The following PCDH15 variants were observed in gnomAD, a reference collection of about 807,000 sequenced individuals.
The protein encoded by PCDH15 is protocadherin-15.
In PCDH15, 129 loss-of-function variants were observed where a neutral mutation model predicts 178.5. The ratio of observed to expected loss-of-function variants is 0.72; its 90% CI spans 0.63 to 0.84. The LOEUF (loss-of-function observed/expected upper bound fraction) is 0.84, where lower values mean the gene tolerates loss of function less well. PCDH15 is among the 40% of genes least tolerant of loss of function. The pLI, the probability that PCDH15 is intolerant of heterozygous loss-of-function variation, is 0.00. For synonymous variants in PCDH15, 800 were observed against 732.0 expected, an observed-to-expected ratio of 1.09 and a Z score of -1.50; for missense variants, 2,230 against 2,099.9, an observed-to-expected ratio of 1.06 and a Z score of -1.21.
chr10:53,857,210 A>G lies in PCDH15; in HGVS notation c.3771T>C (p.Pro1257=), dbSNP rs2078808918. The stretch of plus-strand genomic sequence containing the variant: ...CTTCTATCTTTTTTTCCACTAGAGT[A>G]GGAGGCACATTGGAAACAATGACTT... ...DMQVIVSNVP[P]TLVEKKIEDL... is the part of the protein sequence containing the mutation. Residue 1257 remains proline, a synonymous_variant, in exon 28 of 38, where the codon CCT becomes CCC. Transcript: ENST00000644397. 1 of 1,611,116 alleles carries G rather than the reference A, an allele frequency of 6.2e-7. No individual in the cohort carries two copies. Among genetic ancestry groups the G allele is most frequent in the South Asian group, 1.1e-5 (1 of 90,994 alleles).
At chr10:54,738,949 T>A (rs950429081) in intron 1 of PCDH15, among the ~76,000 whole-genome samples, 17 of 151,956 alleles carry the variant, frequency 1.1e-4, no homozygotes, top group African/African-American at 3.6e-4. Flanking sequence ...AACCCACAGC[T>A]AACATAATAC....
intron 13 of PCDH15, among the ~76,000 whole-genome samples, chr10:54,159,838 C>T (rs12267014): frequency 0.017 from 2,656 of 152,136 alleles, 87 homozygotes; most frequent in African/African-American, 0.061. Flanking sequence ...AGAGGACAGA[C>T]TCGATTTCAG....
intron 2 of PCDH15, among the ~76,000 whole-genome samples, chr10:54,588,542 T>C (rs1237315483): frequency 6.6e-6 from 1 of 152,140 alleles, no homozygotes; most frequent in Non-Finnish European, 1.5e-5. Context: ...TATAGTTATG[T>C]CTGTAAGAAT....
chr10:54,608,849 T>C (rs2092861105), intron 2 of PCDH15, among the ~76,000 whole-genome samples: 1 of 151,868 alleles, frequency 6.6e-6, no homozygotes, highest in Non-Finnish European at 1.5e-5. Flanking sequence ...GAAAAAAAAA[T>C]CAGTCCCTAG....
At chr10:53,962,565 C>T (rs1354777500) in intron 21 of PCDH15, among the ~76,000 whole-genome samples, 2 of 152,112 alleles carry the variant, frequency 1.3e-5, no homozygotes, top group Non-Finnish European at 2.9e-5. Context: ...ATGACGCTAA[C>T]AATTGCTAGA....
intron 11 of PCDH15, among the ~76,000 whole-genome samples, chr10:54,192,898 A>C (rs915857906): frequency 6.6e-6 from 1 of 152,142 alleles, no homozygotes; most frequent in Non-Finnish European, 1.5e-5. Flanking sequence ...ACCAGTCCCA[A>C]CTAAAGACAC....
chr10:54,088,977 A>AT (rs2094556993), intron 16 of PCDH15, among the ~76,000 whole-genome samples: 1 of 152,118 alleles, frequency 6.6e-6, no homozygotes, highest in Admixed American at 6.6e-5. Flanking sequence ...ATTGTAGCTA[A>AT]TTTTTGATTT....
intron 2 of PCDH15, among the ~76,000 whole-genome samples, chr10:54,592,790 C>T (rs1227332544): frequency 1.3e-5 from 2 of 152,158 alleles, no homozygotes. Flanking sequence ...AATGGCCACA[C>T]CAATTTACAT....
intron 20 of PCDH15, among the ~76,000 whole-genome samples, chr10:53,996,849 C>G (rs1487036777): frequency 1.3e-5 from 2 of 152,060 alleles, no homozygotes; most frequent in Non-Finnish European, 2.9e-5. Flanking sequence ...TGTTAATTAT[C>G]TGCTCTTCTC....
At chr10:54,703,294 A>C (rs1436101249) in intron 1 of PCDH15, among the ~76,000 whole-genome samples, 1 of 152,096 alleles carries the variant, frequency 6.6e-6, no homozygotes, top group Non-Finnish European at 1.5e-5. Flanking sequence ...AAAAGCAGGA[A>C]GTGTCCCCTG....
At chr10:53,813,542 A>G (rs1475127376) in intron 35 of PCDH15, among the ~76,000 whole-genome samples, 5 of 152,222 alleles carry the variant, frequency 3.3e-5, no homozygotes, top group Non-Finnish European at 7.3e-5. Context: ...ACTTTTTAGA[A>G]TATGTTTGGC....
At chr10:54,811,620 G>T (rs368456820) in intron 3 of PCDH15, among the ~76,000 whole-genome samples, 1 of 151,868 alleles carries the variant, frequency 6.6e-6, no homozygotes, top group Non-Finnish European at 1.5e-5. Flanking sequence ...ACAGCCATGC[G>T]CCACGACGCC....
At chr10:54,534,108 A>C (rs1466885718) in intron 2 of PCDH15, among the ~76,000 whole-genome samples, 1 of 152,134 alleles carries the variant, frequency 6.6e-6, no homozygotes, top group Non-Finnish European at 1.5e-5. Context: ...ATGTATAGAC[A>C]GACTAGGCCT....
intron 26 of PCDH15, among the ~76,000 whole-genome samples, chr10:53,885,283 G>C (rs1281829930): frequency 6.6e-6 from 1 of 151,758 alleles, no homozygotes; most frequent in African/African-American, 2.4e-5. Context: ...CTTTAATTAA[G>C]AGAACTTCAA....
At chr10:54,109,775 T>A (rs1011668354) in intron 15 of PCDH15, among the ~76,000 whole-genome samples, 5 of 152,188 alleles carry the variant, frequency 3.3e-5, no homozygotes, top group Non-Finnish European at 7.3e-5. Context: ...GACTTAGTAT[T>A]TGTTAGGACA....
upstream of PCDH15, among the ~76,000 whole-genome samples, chr10:55,323,879 T>C (rs1482844618): frequency 6.6e-6 from 1 of 152,130 alleles, no homozygotes; most frequent in African/African-American, 2.4e-5. Context: ...GGTAGAATGA[T>C]AGGTTTGGCT....
Position 55,110,107 on chromosome 10 carries a change from C to A in PCDH15, c.-80+56469G>T, listed in dbSNP as rs77633180. ...AATATTCTAAATAACATTTTAAATG[C>A]CTGTGTAATATTATAAGACATTTCT... On this transcript the variant is annotated intron_variant, in intron 2 of 5. Transcript: ENST00000458638. Among the ~76,000 whole-genome samples the A allele has an allele frequency of 8.3e-4, 126 of 151,512 alleles. 2 individuals carry two copies. The East Asian group carries it at 0.022, about 27-fold the overall frequency.
Position 54,664,208 on chromosome 10 carries a change from A to T in PCDH15, c.55T>A (p.Ser19Thr), listed in dbSNP as rs11004439. The T allele has an allele frequency of 1.9e-6, 3 of 1,611,968 alleles. No individual in the cohort carries two copies. The highest frequency in any genetic ancestry group is 2.5e-6 in the Non-Finnish European group (3 of 1,178,692). ...TCLASGIILG[S>T]LFEICLGQYD... ...TGGCCCAAGCAGATTTCAAAGAGAGAGCCCAGGATGATCCCTGAAGCTAAA... is the reference window on the plus strand; with the variant it reads ...TGGCCCAAGCAGATTTCAAAGAGAGTGCCCAGGATGATCCCTGAAGCTAAA... Residue 19 changes from serine (S) to threonine (T), a missense_variant, in exon 2 of 38, where the codon TCT becomes ACT. Physicochemically the swap from Ser to Thr is moderately conservative, Grantham distance 58 (BLOSUM62 1). Coordinates refer to ENST00000644397, the MANE Select transcript of PCDH15 (RefSeq NM_001384140.1).
chr10:55,266,077 A>G (rs1377793830), intron 1 of PCDH15, among the ~76,000 whole-genome samples: 1 of 152,224 alleles, frequency 6.6e-6, no homozygotes, highest in Non-Finnish European at 1.5e-5. Flanking sequence ...CACCAGGGTG[A>G]AACACCTCAG....
Sources: gnomAD v4.1 joint callset for allele counts (sites outside exome capture counted in the v4.1 genomes callset) on GRCh38, gnomAD v4.1.1 for gene constraint, MANE v1.5 for transcripts, NCBI Gene and HGNC (gene_info 2026-07-23, HGNC 2026-07-21) for gene names.